The following NFIX variants were observed in gnomAD, a reference collection of about 807,000 sequenced individuals.
NFIX encodes the protein nuclear factor 1 X-type.
NFIX carries 2 observed loss-of-function variants against 53.3 expected under a neutral mutation model. That is an observed-to-expected ratio of 0.04 (90% CI 0.02 to 0.12). The LOEUF is 0.12. Among genes scored for constraint, NFIX ranks in the 10% least tolerant of loss-of-function variants. The probability of loss-of-function intolerance (pLI) is 1.00; values close to 1 mark genes in which losing one functional copy is unlikely to be tolerated. For missense variants in NFIX, 310 were observed against 674.5 expected (o/e 0.46, Z 5.99); for synonymous variants, 244 against 289.0 (o/e 0.84, Z 1.58).
intron 2 of NFIX, among the ~76,000 whole-genome samples, chr19:13,053,748 G>C (rs1414312852): frequency 6.6e-6 from 1 of 152,170 alleles, no homozygotes; most frequent in African/African-American, 2.4e-5. Context: ...AGAAGTAGGA[G>C]AATCTGTCCC....
intron 1 of NFIX, chr19:13,024,133 AAAC>A: frequency 1.2e-6 from 1 of 826,270 alleles, no homozygotes; most frequent in South Asian, 1.7e-5. Context: ...AAAAAAAACC[AAAC>A]AAAACCGAGA....
In NFIX at chr19:13,036,244, CGT is replaced by C. The variant is rs1371234789; in HGVS notation, c.559+10695_559+10696del. The stretch of plus-strand genomic sequence containing the variant: ...GTAGACCCTTCGCCAACTGGCCTGG[CGT>C]GTCCGGGAGGCTTCCTTTCTTAAAA... On this transcript the variant is annotated intron_variant, in intron 2 of 10. Transcript: ENST00000592199. This position sits in a 1 kb window ranked among gnomAD's most constrained non-coding sequence, Gnocchi z 4.7. 6.6e-6 allele frequency among the ~76,000 whole-genome samples: 1 copy of C among 152,204 alleles called. No homozygotes were observed. Among genetic ancestry groups the C allele is most frequent in the Non-Finnish European group, 1.5e-5 (1 of 68,044 alleles).
At position 13,049,545 on chromosome 19, in the gene NFIX, A is replaced by G. The variant is rs1479573365; in HGVS notation, c.560-23502A>G. Among the ~76,000 whole-genome samples, 1 of 150,876 alleles carries G rather than the reference A, an allele frequency of 6.6e-6. No homozygotes were observed. ...TCATGTCGGGCTTCTTTCACGGAGC[A>G]TAATGTTTTCAAGGTTCCTATATGT... On this transcript the variant is annotated intron_variant, in intron 2 of 10. Transcript: ENST00000592199. The surrounding 1 kb of genome is among the most constrained non-coding windows in gnomAD (Gnocchi z 4.5).
intron 6 of NFIX, 123 bp downstream of exon 6, chr19:13,075,794 T>C: frequency 8.4e-7 from 1 of 1,186,966 alleles, no homozygotes; most frequent in Non-Finnish European, 1.2e-6. Context: ...ACCCATCTGT[T>C]TTCTTGCCTC....
intron 10 of NFIX, among the ~76,000 whole-genome samples, chr19:13,091,381 T>C (rs1394629629): frequency 6.9e-6 from 1 of 143,984 alleles, no homozygotes; most frequent in African/African-American, 2.6e-5. Flanking sequence ...TTTTTTTTTT[T>C]CTTTTCCTTT....
chr19:13,096,930 T>G lies in NFIX; in HGVS notation c.*2281T>G. On this transcript the variant is annotated 3_prime_UTR_variant, in exon 11 of 11. Transcript: ENST00000592199. ...GAGGGGCAATGAGGGCAACAGGAGA[T>G]GTGGGGACGTGTTAGGAGAGAAAAA... The G allele has an allele frequency of 6.9e-6, 1 of 144,490 alleles. No homozygotes were observed. 9.0% of individuals were successfully genotyped at this position (144,490 alleles called of 1,614,324 possible).
At position 13,094,517 on chromosome 19, in the gene NFIX, G is replaced by A. The variant is rs1032666376; in HGVS notation, c.1495-118G>A. 4.5e-5 allele frequency: 46 copies of A among 1,032,686 alleles called. No individual in the cohort carries two copies. The highest frequency in any genetic ancestry group is 2.8e-4 in the Middle Eastern group (1 of 3,530). 64.0% of individuals were successfully genotyped at this position (1,032,686 alleles called of 1,614,324 possible). On this transcript the variant is annotated intron_variant, in intron 10 of 10. Transcript: ENST00000592199. This position sits in a 1 kb window ranked among gnomAD's most constrained non-coding sequence, Gnocchi z 4.3. ...GGAACAAGGTGGGTGGTGGCTGCCC[G>A]GCACCCTGGCTCTTTGGGAGCTGGA...
chr19:13,078,872 G>A lies in NFIX; in HGVS notation c.1078+137G>A, dbSNP rs975307903. The A allele has an allele frequency of 7.6e-6, 8 of 1,052,266 alleles. No individual in the cohort carries two copies. Among genetic ancestry groups the A allele is most frequent in the Middle Eastern group, 3.1e-4 (1 of 3,194 alleles). 65.2% of individuals were successfully genotyped at this position (1,052,266 alleles called of 1,614,324 possible). A position where few individuals can be genotyped will look rare whatever the true frequency, so the allele number is the denominator to read the frequency against. ...TCCAAGTGGGCCAAGGTGCAGCAGCGGGTGGGCATGGGAGCCGGCCCCTGC... is the reference window on the plus strand; with the variant it reads ...TCCAAGTGGGCCAAGGTGCAGCAGCAGGTGGGCATGGGAGCCGGCCCCTGC... On this transcript the variant is annotated intron_variant, in intron 7 of 10. Transcript: ENST00000592199. The surrounding 1 kb of genome is among the most constrained non-coding windows in gnomAD (Gnocchi z 4.7).
At chr19:13,074,464 C>T (rs1171090136) in intron 5 of NFIX, among the ~76,000 whole-genome samples, 1 of 152,108 alleles carries the variant, frequency 6.6e-6, no homozygotes, top group African/African-American at 2.4e-5. Flanking sequence ...AGACTTCATC[C>T]CTGGGTAGTG....
chr19:13,075,500 T>A, intron 5 of NFIX, 35 bp from the exon 6 acceptor site: 1 of 1,610,956 alleles, frequency 6.2e-7, no homozygotes, highest in Non-Finnish European at 8.5e-7. Context: ...CCTCAGCCCA[T>A]CCTTGGCCCA....
At chr19:13,047,222 T>TTTTC (rs536536986) in intron 2 of NFIX, among the ~76,000 whole-genome samples, 85 of 152,206 alleles carry the variant, frequency 5.6e-4, no homozygotes, top group African/African-American at 1.9e-3. Context: ...CCTTATTCTT[T>TTTTC]TTTCTTTCTT....
chr19:13,089,496 C>G lies in NFIX; in HGVS notation c.1403-803C>G, dbSNP rs1297877551. ...AGCCCTAGGGCTCTGCCAGGCTCTC[C>G]AGCCTCCTCCTCCTCTATTGCCTTG... On this transcript the variant is annotated intron_variant, in intron 9 of 10. Transcript: ENST00000592199. The surrounding 1 kb of genome is among the most constrained non-coding windows in gnomAD (Gnocchi z 4.8). 1.3e-5 allele frequency among the ~76,000 whole-genome samples: 2 copies of G among 152,210 alleles called. No individual in the cohort carries two copies. Among genetic ancestry groups the G allele is most frequent in the African/African-American group, 4.8e-5 (2 of 41,452 alleles).
chr19:13,029,121 G>C (rs1255651283), intron 2 of NFIX, among the ~76,000 whole-genome samples: 1 of 152,098 alleles, frequency 6.6e-6, no homozygotes, highest in Non-Finnish European at 1.5e-5. Context: ...AAGAACTCCT[G>C]TGTACCCACC....
In NFIX at chr19:13,068,231, C is replaced by G. The variant is rs955830235; in HGVS notation, c.560-4816C>G. 6.6e-6 allele frequency among the ~76,000 whole-genome samples: 1 copy of G among 152,164 alleles called. No homozygotes were observed. The highest frequency in any genetic ancestry group is 2.4e-5 in the African/African-American group (1 of 41,430). ...AGCTCTACTGAAGAGGCAGTGTCCT[C>G]TTGGAAACACGCACAAGCACACGTG... On this transcript the variant is annotated intron_variant, in intron 2 of 10. Transcript: ENST00000592199. This position sits in a 1 kb window ranked among gnomAD's most constrained non-coding sequence, Gnocchi z 4.2.
chr19:13,095,284 A>T lies in NFIX; in HGVS notation c.*635A>T, dbSNP rs1228205554. ...GAGCAGCCTCCACTTACCCCACCCC[A>T]CCCTTGGGCTAAAAGCCCCCAGGCG... On this transcript the variant is annotated 3_prime_UTR_variant, in exon 11 of 11. Coordinates refer to ENST00000592199, the MANE Select transcript of NFIX (RefSeq NM_001365902.3). The T allele has an allele frequency of 1.0e-5, 1 of 95,952 alleles. No individual in the cohort carries two copies. Among genetic ancestry groups the T allele is most frequent in the Non-Finnish European group, 2.1e-5 (1 of 47,982 alleles). The allele number at this position is 95,952 out of a possible 1,614,324, so 5.9% of individuals were successfully genotyped here. A position where few individuals can be genotyped will look rare whatever the true frequency, so the allele number is the denominator to read the frequency against.
rs753787660 is a variant in NFIX at position 13,002,434 on chromosome 19, G to T, written c.27+6570G>T. On this transcript the variant is annotated intron_variant, in intron 1 of 10. Transcript: ENST00000592199. The surrounding 1 kb of genome is among the most constrained non-coding windows in gnomAD (Gnocchi z 6.1). ...CCCCTCTGAGGGCGGGAGTGGCCTC[G>T]TGCAGGGGCCTGGGCCCCCTGAGTG... is the stretch of plus-strand genomic sequence containing the variant. 6.6e-6 allele frequency among the ~76,000 whole-genome samples: 1 copy of T among 152,014 alleles called. No homozygotes were observed. The highest frequency in any genetic ancestry group is 2.4e-5 in the African/African-American group (1 of 41,406).
chr19:13,031,209 G>A (rs2013779182), intron 2 of NFIX, among the ~76,000 whole-genome samples: 1 of 152,174 alleles, frequency 6.6e-6, no homozygotes, highest in Admixed American at 6.5e-5. Context: ...AACATGCAGG[G>A]GGTTTCTCAG....
chr19:13,079,341 T>C (rs2017316389), intron 7 of NFIX, among the ~76,000 whole-genome samples: 1 of 152,236 alleles, frequency 6.6e-6, no homozygotes, highest in Non-Finnish European at 1.5e-5. Flanking sequence ...GCCGTGGGGC[T>C]GCTCTCTGAC....
In NFIX at chr19:13,055,366, G is replaced by A. The variant is rs535369228; in HGVS notation, c.560-17681G>A. Among the ~76,000 whole-genome samples the A allele has an allele frequency of 2.6e-5, 4 of 152,230 alleles. 1 individual carries two copies. In the South Asian group the frequency reaches 8.3e-4, roughly 32 times the overall value. ...CCCCGAGGGCCTGCCCCACTCTCCC[G>A]CAGGGTGAGGGTCCCCCGAGTCCTT... is the stretch of plus-strand genomic sequence containing the variant. On this transcript the variant is annotated intron_variant, in intron 2 of 10. Transcript: ENST00000592199.
Sources: allele counts gnomAD v4.1 joint callset (sites outside exome capture counted in the v4.1 genomes callset), GRCh38; gene constraint gnomAD v4.1.1; non-coding constraint Gnocchi (gnomAD v3.1); transcripts MANE v1.5; gene names NCBI Gene and HGNC (gene_info 2026-07-23, HGNC 2026-07-21).